Variants in PTPRF observed in about 807,000 individuals in gnomAD.
PTPRF encodes the protein receptor-type tyrosine-protein phosphatase F.
A neutral mutation model predicts 201.8 loss-of-function variants in PTPRF; 59 were observed. The observed-to-expected ratio is 0.29, with a 90% CI of 0.24 to 0.36. PTPRF has a LOEUF of 0.36. Among genes scored for constraint, PTPRF ranks in the 10% least tolerant of loss-of-function variants. The probability of loss-of-function intolerance (pLI) is 1.00; values close to 1 mark genes in which losing one functional copy is unlikely to be tolerated. For missense variants in PTPRF, 2,132 were observed against 2,690.5 expected, an observed-to-expected ratio of 0.79 and a Z score of 4.59; for synonymous variants, 1,088 against 1,089.7, an observed-to-expected ratio of 1.00 and a Z score of 0.03.
intron 26 of PTPRF, 92 bp downstream of exon 26, chr1:43,618,841 C>G: frequency 1.9e-6 from 3 of 1,539,002 alleles, no homozygotes; most frequent in Non-Finnish European, 2.6e-6. Flanking sequence ...AAGCTGGAGC[C>G]TGGGTGTTGG....
intron 6 of PTPRF, among the ~76,000 whole-genome samples, chr1:43,570,904 C>T (rs1332672261): frequency 1.3e-5 from 2 of 152,220 alleles, no homozygotes; most frequent in Non-Finnish European, 2.9e-5. Context: ...GTGGCCGCTG[C>T]CCAGCGCAGC....
intron 13 of PTPRF, 77 bp from the exon 14 acceptor site, chr1:43,601,994 C>T: frequency 2.6e-6 from 4 of 1,537,450 alleles, no homozygotes; most frequent in Non-Finnish European, 3.6e-6. Context: ...TGGGCAAGGT[C>T]CCTTCCAGGC....
At chr1:43,548,569 C>T (rs1216072625) in intron 3 of PTPRF, among the ~76,000 whole-genome samples, 2 of 152,152 alleles carry the variant, frequency 1.3e-5, no homozygotes, top group African/African-American at 4.8e-5. Flanking sequence ...GGGATAATCA[C>T]TCCTACCTGG....
chr1:43,618,166 T>C (rs1040114606), intron 25 of PTPRF, among the ~76,000 whole-genome samples: 2 of 152,202 alleles, frequency 1.3e-5, no homozygotes, highest in South Asian at 4.1e-4. Context: ...AGAATGTTAA[T>C]GTGTTCCCCA....
intron 32 of PTPRF, 32 bp downstream of exon 32, chr1:43,621,024 G>T: frequency 6.2e-7 from 1 of 1,610,374 alleles, no homozygotes; most frequent in Non-Finnish European, 8.5e-7. Flanking sequence ...GCTGGGGTGG[G>T]TGGGCCTGAA....
Position 43,621,976 on chromosome 1 carries a change from C to T in PTPRF, c.5697C>T (p.Leu1899=), listed in dbSNP as rs765441872. The T allele has an allele frequency of 2.3e-5, 37 of 1,614,148 alleles. No individual in the cohort carries two copies. Among genetic ancestry groups the T allele is most frequent in the Non-Finnish European group, 2.5e-5 (29 of 1,180,004 alleles). The change falls in exon 34 of 34, where the codon CTC becomes CTT. Residue 1899 remains leucine (L), a synonymous_variant. Transcript: ENST00000359947. ...GCTACCGTGCGGCCCTGGAGTACCT[C>T]GGCAGCTTTGACCACTATGCAACGT... is the stretch of plus-strand genomic sequence containing the variant. ...QLCYRAALEY[L]GSFDHYAT is the part of the protein sequence containing the mutation.
Position 43,603,353 on chromosome 1 carries a change from C to A in PTPRF, c.2341-63C>A. 6.8e-7 allele frequency: 1 copy of A among 1,480,744 alleles called. No individual in the cohort carries two copies. The highest frequency in any genetic ancestry group is 9.4e-7 in the Non-Finnish European group (1 of 1,059,300). The allele number at this position is 1,480,744 out of a possible 1,614,324, so 91.7% of individuals were successfully genotyped here. ...CCCTCAGGCTAGGGTCCTGAGGTCC[C>A]TGACAAGGTCTGGCCTCTCCCTGCA... On this transcript the variant is annotated intron_variant, in intron 14 of 33. Coordinates refer to ENST00000359947, the MANE Select transcript of PTPRF (RefSeq NM_002840.5). This position sits in a 1 kb window ranked among gnomAD's most constrained non-coding sequence, Gnocchi z 5.8.
intron 6 of PTPRF, among the ~76,000 whole-genome samples, chr1:43,571,010 C>A (rs1204588221): frequency 6.6e-6 from 1 of 152,208 alleles, no homozygotes; most frequent in Admixed American, 6.5e-5. Flanking sequence ...CTGGCCTGGG[C>A]CCCTCCACAG....
rs1418064904 is a variant in PTPRF, at chr1:43,537,477, A to C, written c.-125-721A>C. ...TTCAGTGTATGCTGACTGAGCACCT[A>C]CTATGTGCCAGCTGTCAGCCAGGCG... On this transcript the variant is annotated intron_variant, in intron 1 of 33. Coordinates refer to ENST00000359947, the MANE Select transcript of PTPRF (RefSeq NM_002840.5). This position sits in a 1 kb window ranked among gnomAD's most constrained non-coding sequence, Gnocchi z 4.8. Among the ~76,000 whole-genome samples the C allele has an allele frequency of 6.6e-6, 1 of 152,170 alleles. No individual in the cohort carries two copies. The highest frequency in any genetic ancestry group is 1.5e-5 in the Non-Finnish European group (1 of 68,038).
In PTPRF at chr1:43,545,233, T is replaced by C. The variant is rs2153964576; in HGVS notation, c.91+67T>C. On this transcript the variant is annotated intron_variant, in intron 3 of 33. Coordinates refer to ENST00000359947, the MANE Select transcript of PTPRF (RefSeq NM_002840.5). Reference sequence around the variant, plus strand: ...GGTGGCATCCTTCCCAGCAGGACTCTGGGATGGGGACAGACCGGCTACTAG... The same window carrying C: ...GGTGGCATCCTTCCCAGCAGGACTCCGGGATGGGGACAGACCGGCTACTAG... 3 of 1,488,246 alleles carry C rather than the reference T, an allele frequency of 2.0e-6. No homozygotes were observed. In the East Asian group the frequency reaches 7.4e-5, roughly 37 times the overall value. The allele number at this position is 1,488,246 out of a possible 1,614,324, so 92.2% of individuals were successfully genotyped here.
chr1:43,527,797 G>A (rs1306386156), upstream of PTPRF, among the ~76,000 whole-genome samples: 1 of 152,156 alleles, frequency 6.6e-6, no homozygotes, highest in African/African-American at 2.4e-5. Context: ...ACAGGCTAGC[G>A]AACACCACGA....
At position 43,598,059 on chromosome 1, in the gene PTPRF, C is replaced by G; in HGVS notation, c.2119+6C>G. ...GGTGCGCACCGATGAGGACGGTAGG[C>G]AGTGCCACCGGGGCGGGAGGGGAGG... On this transcript the variant is annotated splice_donor_region_variant and intron_variant, in intron 12 of 33. Coordinates refer to ENST00000359947, the MANE Select transcript of PTPRF (RefSeq NM_002840.5). 6.8e-7 allele frequency: 1 copy of G among 1,465,652 alleles called. No homozygotes were observed. The highest frequency in any genetic ancestry group is 9.1e-7 in the Non-Finnish European group (1 of 1,101,452). 90.8% of individuals were successfully genotyped at this position (1,465,652 alleles called of 1,614,324 possible). A position where few individuals can be genotyped will look rare whatever the true frequency, so the allele number is the denominator to read the frequency against.
chr1:43,620,414 C>A, intron 30 of PTPRF, 40 bp from the exon 31 acceptor site: 1 of 1,582,120 alleles, frequency 6.3e-7, no homozygotes, highest in Non-Finnish European at 8.6e-7. Context: ...TCCCCTATTC[C>A]TTCTCACCTG....
chr1:43,569,703 G>A lies in PTPRF; in HGVS notation c.493G>A (p.Glu165Lys). The change falls in exon 6 of 34, where the codon GAG becomes AAG. Residue 165 changes from glutamate (E) to lysine (K), a missense_variant. Physicochemically the swap from Glu to Lys is moderately conservative, Grantham distance 56. Transcript: ENST00000359947. The part of the protein sequence containing the change: ...LCAAGGNPDP[E>K]ISWFKDFLPV... ...TGCCGCAGGCGGAAATCCAGACCCTGAGATTTCTTGGTTCAAGGACTTCCT... is the reference window on the plus strand; with the variant it reads ...TGCCGCAGGCGGAAATCCAGACCCTAAGATTTCTTGGTTCAAGGACTTCCT... 1.2e-6 allele frequency: 2 copies of A among 1,614,080 alleles called. No homozygotes were observed. The highest frequency in any genetic ancestry group is 2.2e-5 in the South Asian group (2 of 91,072).
chr1:43,556,315 GCA>G (rs1645369736), intron 5 of PTPRF, among the ~76,000 whole-genome samples: 1 of 152,156 alleles, frequency 6.6e-6, no homozygotes, highest in African/African-American at 2.4e-5. Context: ...AGGCTGGAGT[GCA>G]GTGGTGAGAT....
chr1:43,542,746 A>G lies in PTPRF; in HGVS notation c.-45-2285A>G, dbSNP rs1232465505. On this transcript the variant is annotated intron_variant, in intron 2 of 33. Coordinates refer to ENST00000359947, the MANE Select transcript of PTPRF (RefSeq NM_002840.5). The surrounding 1 kb of genome is among the most constrained non-coding windows in gnomAD (Gnocchi z 5.2). Reference sequence around the variant, plus strand: ...TGTACCCTCTGTGTCCGCCCACGTGATGTCTAGACCACACCATTACACCTC... The same window carrying G: ...TGTACCCTCTGTGTCCGCCCACGTGGTGTCTAGACCACACCATTACACCTC... Among the ~76,000 whole-genome samples, 6 of 152,024 alleles carry G rather than the reference A, an allele frequency of 3.9e-5. No individual in the cohort carries two copies. The highest frequency in any genetic ancestry group is 2.0e-4 in the Admixed American group (3 of 15,270).
Position 43,553,674 on chromosome 1 carries a change from G to GGTCTGCCCACACTCTCTCCTTTCAGT in PTPRF, c.237+41_237+66dup. 1 of 1,612,606 alleles carries GGTCTGCCCACACTCTCTCCTTTCAGT rather than the reference G, an allele frequency of 6.2e-7. No homozygotes were observed. Among genetic ancestry groups the GGTCTGCCCACACTCTCTCCTTTCAGT allele is most frequent in the Non-Finnish European group, 8.5e-7 (1 of 1,179,248 alleles). ...GTGGGAAGGGGTCGGCAGGGCTCAG[G>GGTCTGCCCACACTCTCTCCTTTCAGT]GTCTGCCCACACTCTCTCCTTTCAG... is the stretch of plus-strand genomic sequence containing the variant. On this transcript the variant is annotated intron_variant, in intron 4 of 33. Transcript: ENST00000359947. The surrounding 1 kb of genome is among the most constrained non-coding windows in gnomAD (Gnocchi z 4.1).
intron 5 of PTPRF, among the ~76,000 whole-genome samples, chr1:43,562,428 C>T (rs530143532): frequency 2.7e-5 from 4 of 150,376 alleles, no homozygotes; most frequent in East Asian, 2.0e-4. Flanking sequence ...TTTTTTGAAA[C>T]GGAGTCTCAC....
In PTPRF at chr1:43,604,885, C is replaced by G; in HGVS notation, c.3038-18C>G. ...CCTCATATACCCAGCAGAGCTGACT[C>G]TCTCTATGCCTTTGCAGTGTTTGCC... On this transcript the variant is annotated intron_variant, in intron 16 of 33. Transcript: ENST00000359947. 6.2e-7 allele frequency: 1 copy of G among 1,610,914 alleles called. No homozygotes were observed. Among genetic ancestry groups the G allele is most frequent in the African/African-American group, 1.3e-5 (1 of 74,900 alleles).
Sources: allele counts gnomAD v4.1 joint callset (sites outside exome capture counted in the v4.1 genomes callset), GRCh38; gene constraint gnomAD v4.1.1; non-coding constraint Gnocchi (gnomAD v3.1); transcripts MANE v1.5; gene names NCBI Gene and HGNC (gene_info 2026-07-23, HGNC 2026-07-21).